Variants in ASTN2 observed in about 807,000 individuals in gnomAD.
The protein encoded by ASTN2 is astrotactin-2.
ASTN2 carries 54 observed loss-of-function variants against 139.8 expected under a neutral mutation model. That is an observed-to-expected ratio of 0.39 (90% confidence interval 0.31 to 0.48). The LOEUF is 0.48. Ranked by LOEUF, ASTN2 falls within the 20% of genes least tolerant of loss-of-function variation. The pLI is 0.95. For synonymous variants in ASTN2, 756 were observed against 719.5 expected, an observed-to-expected ratio of 1.05 and a Z score of -0.81; for missense variants, 1,565 against 1,725.1, an observed-to-expected ratio of 0.91 and a Z score of 1.64.
At chr9:116,489,968 G>C (rs1309014309) in intron 19 of ASTN2, among the ~76,000 whole-genome samples, 2 of 152,116 alleles carry the variant, frequency 1.3e-5, no homozygotes, top group Non-Finnish European at 2.9e-5. Flanking sequence ...ACCATGGGCT[G>C]CAAGTCCTTA....
intron 3 of ASTN2, among the ~76,000 whole-genome samples, chr9:117,211,575 G>A (rs78403202): frequency 0.014 from 2,078 of 152,130 alleles, 46 homozygotes; most frequent in African/African-American, 0.047. Context: ...CTCCCCAACC[G>A]TGCCTCCTGT....
intron 11 of ASTN2, 114 bp downstream of exon 11, chr9:116,863,469 A>T: frequency 7.3e-7 from 1 of 1,360,618 alleles, no homozygotes; most frequent in East Asian, 2.4e-5. Context: ...AGAGGCAGAT[A>T]AGGGTAGTGT....
At chr9:116,814,746 G>A (rs1205655270) in intron 12 of ASTN2, among the ~76,000 whole-genome samples, 3 of 152,184 alleles carry the variant, frequency 2.0e-5, no homozygotes, top group Admixed American at 6.5e-5. Flanking sequence ...AGTTAGGAGT[G>A]CAGATTTTTC....
intron 2 of ASTN2, among the ~76,000 whole-genome samples, chr9:117,255,707 G>T (rs1460988457): frequency 6.6e-6 from 1 of 152,158 alleles, no homozygotes; most frequent in Non-Finnish European, 1.5e-5. Flanking sequence ...ACACGGAGGA[G>T]ACATATTTGG....
chr9:116,528,660 G>A (rs2119273070), intron 19 of ASTN2, among the ~76,000 whole-genome samples: 1 of 152,324 alleles, frequency 6.6e-6, no homozygotes, highest in African/African-American at 2.4e-5. Context: ...AATTTTCACA[G>A]CAGCCCCTCT....
chr9:116,737,189 C>CG (rs1828948878), intron 13 of ASTN2, among the ~76,000 whole-genome samples: 1 of 152,200 alleles, frequency 6.6e-6, no homozygotes, highest in African/African-American at 2.4e-5. Context: ...GGTCCCTTTG[C>CG]GACCGCCTGG....
intron 3 of ASTN2, among the ~76,000 whole-genome samples, chr9:117,169,627 T>C (rs1290152719): frequency 6.6e-6 from 1 of 152,060 alleles, no homozygotes; most frequent in Non-Finnish European, 1.5e-5. Flanking sequence ...GGGCAGAGAA[T>C]TGCCAACACA....
At chr9:117,187,708 A>T (rs1355923727) in intron 3 of ASTN2, among the ~76,000 whole-genome samples, 5 of 152,140 alleles carry the variant, frequency 3.3e-5, no homozygotes, top group South Asian at 2.1e-4. Flanking sequence ...GAAGGCCCTC[A>T]CCAGATGCAG....
At chr9:116,985,535 C>T (rs545234215) in intron 7 of ASTN2, among the ~76,000 whole-genome samples, 2 of 152,266 alleles carry the variant, frequency 1.3e-5, no homozygotes, top group East Asian at 3.9e-4. Context: ...TTCCACTGGC[C>T]CTATTCCCTT....
chr9:117,022,533 G>A (rs1291195825), intron 6 of ASTN2, among the ~76,000 whole-genome samples: 1 of 152,028 alleles, frequency 6.6e-6, no homozygotes, highest in East Asian at 1.9e-4. Flanking sequence ...TTAAGGGAAA[G>A]TGCCCTGAGA....
intron 7 of ASTN2, among the ~76,000 whole-genome samples, chr9:116,990,482 G>A (rs1291600386): frequency 1.3e-5 from 2 of 148,856 alleles, no homozygotes; most frequent in African/African-American, 5.2e-5. Flanking sequence ...GGCCAAGCTG[G>A]TCTCTAACTC....
rs553188874 is a variant in ASTN2 at position 117,413,356 on chromosome 9, G to T, written c.442+1141C>A. 2.7e-3 allele frequency among the ~76,000 whole-genome samples: 413 copies of T among 152,342 alleles called. 2 individuals carry two copies. Among genetic ancestry groups the T allele is most frequent in the African/African-American group, 9.3e-3 (385 of 41,582 alleles). On this transcript the variant is annotated intron_variant, in intron 1 of 22. Transcript: ENST00000313400. ...ACCTGCGGTGCCCGAGGCGGATCCC[G>T]CCGAGGAAAAGACCCGGGGAAGAAG...
chr9:117,316,086 T>G (rs2130823453), intron 1 of ASTN2, among the ~76,000 whole-genome samples: 1 of 152,298 alleles, frequency 6.6e-6, no homozygotes, highest in Non-Finnish European at 1.5e-5. Context: ...CTCGAAGATT[T>G]GACAACCCAT....
rs963976651 is a variant in ASTN2 at position 116,657,708 on chromosome 9, G to A, written c.2807-5915C>T. 3.3e-5 allele frequency among the ~76,000 whole-genome samples: 5 copies of A among 152,176 alleles called. No homozygotes were observed. In the East Asian group the frequency reaches 9.7e-4, roughly 29 times the overall value. ...ACACAAAAATTAGCTGGGCCTGTTG[G>A]CACACGCCTGTAATCTCAGTTATTT... On this transcript the variant is annotated intron_variant, in intron 16 of 22. Transcript: ENST00000313400.
At chr9:117,186,554 T>A (rs943226754) in intron 3 of ASTN2, among the ~76,000 whole-genome samples, 33 of 151,058 alleles carry the variant, frequency 2.2e-4, no homozygotes, top group African/African-American at 7.0e-4. Flanking sequence ...CTCAAAAAAA[T>A]AAATAAATAA....
chr9:116,846,652 C>T (rs1268851756), intron 11 of ASTN2, among the ~76,000 whole-genome samples: 1 of 152,190 alleles, frequency 6.6e-6, no homozygotes, highest in East Asian at 1.9e-4. Context: ...ACACAGGTTA[C>T]CATCCTTGCT....
chr9:117,024,912 T>A (rs1326919683), intron 6 of ASTN2, among the ~76,000 whole-genome samples: 2 of 151,506 alleles, frequency 1.3e-5, no homozygotes, highest in Non-Finnish European at 2.9e-5. Context: ...ATAAGTCTCA[T>A]GAGATCTGAT....
At chr9:117,386,436 C>A (rs1830402311) in intron 1 of ASTN2, among the ~76,000 whole-genome samples, 2 of 152,092 alleles carry the variant, frequency 1.3e-5, no homozygotes, top group African/African-American at 2.4e-5. Context: ...TCTCAGGGAC[C>A]TAGGAACATG....
chr9:117,169,651 A>G (rs767727302), intron 3 of ASTN2, among the ~76,000 whole-genome samples: 7 of 151,644 alleles, frequency 4.6e-5, no homozygotes, highest in Non-Finnish European at 8.8e-5. Context: ...TTTCAAACAG[A>G]GTCAATCTTT....
Sources: allele counts gnomAD v4.1 joint callset (sites outside exome capture counted in the v4.1 genomes callset), GRCh38; gene constraint gnomAD v4.1.1; transcripts MANE v1.5; gene names NCBI Gene and HGNC (gene_info 2026-07-23, HGNC 2026-07-21).